ADCY3: variants seen among roughly 807,000 people sequenced by gnomAD.
The protein encoded by ADCY3 is adenylate cyclase type 3.
A neutral mutation model predicts 119.4 loss-of-function variants in ADCY3; 70 were observed. That is an observed-to-expected ratio of 0.59 (90% CI 0.48 to 0.72). The LOEUF is 0.72. Ranked by LOEUF, ADCY3 falls within the 30% of genes least tolerant of loss-of-function variation. ADCY3 has a pLI of 0.00. For missense variants in ADCY3, 1,238 were observed against 1,541.6 expected (o/e 0.80, Z 3.30); for synonymous variants, 672 against 621.4 (o/e 1.08, Z -1.21).
At chr2:24,821,824 G>T (rs1228012917) in intron 19 of ADCY3, 184 bp from the exon 20 acceptor site, 6 of 832,780 alleles carry the variant, frequency 7.2e-6, no homozygotes, top group Non-Finnish European at 1.1e-5. Flanking sequence ...CAAAGTTCAC[G>T]TAGCAGGTCT....
intron 11 of ADCY3, among the ~76,000 whole-genome samples, 171 bp from the exon 12 acceptor site, chr2:24,831,920 G>T (rs1669587925): frequency 1.5e-5 from 1 of 66,128 alleles, no homozygotes; most frequent in Non-Finnish European, 3.4e-5. Flanking sequence ...GGGGCCAGGG[G>T]ACAGCGGACA....
chr2:24,827,472 T>C lies in ADCY3; in HGVS notation c.2495+74A>G. The C allele has an allele frequency of 3.3e-6, 5 of 1,508,368 alleles. No homozygotes were observed. The South Asian group carries it at 4.8e-5, about 14-fold the overall frequency. 93.4% of individuals were successfully genotyped at this position (1,508,368 alleles called of 1,614,324 possible). A position where few individuals can be genotyped will look rare whatever the true frequency, so the allele number is the denominator to read the frequency against. On this transcript the variant is annotated intron_variant, in intron 15 of 21. Coordinates refer to ENST00000679454, the MANE Select transcript of ADCY3 (RefSeq NM_004036.5). ...TCCCGGGAGGGTGAGATCCCGGGGC[T>C]TGGGCCTGTTATATTCCTGTCTCTA...
rs1271548233 is a variant in ADCY3, at chr2:24,918,740, AC to A, written c.247del (p.Val83SerfsTer65). The stretch of plus-strand genomic sequence containing the variant: ...GTAGCAGTCAAAGAGGGCTGCAAAG[AC>A]CACCAGCACCAGCAGGGTCTCGTGG... ...QRHETLLVLV[V>X]FAALFDCYVV... On this transcript the variant is annotated frameshift_variant, in exon 2 of 22. Coordinates refer to ENST00000679454, the MANE Select transcript of ADCY3 (RefSeq NM_004036.5). LOFTEE classifies it high-confidence loss of function. This position sits in a 1 kb window ranked among gnomAD's most constrained non-coding sequence, Gnocchi z 5.4. The A allele has an allele frequency of 6.2e-7, 1 of 1,613,994 alleles. No homozygotes were observed. The highest frequency in any genetic ancestry group is 2.2e-5 in the East Asian group (1 of 44,872).
intron 2 of ADCY3, among the ~76,000 whole-genome samples, chr2:24,879,006 C>T (rs1438981883): frequency 2.0e-5 from 3 of 152,206 alleles, no homozygotes; most frequent in African/African-American, 7.2e-5. Flanking sequence ...GGGACTGGCA[C>T]ATAGAAAGCC....
intron 2 of ADCY3, among the ~76,000 whole-genome samples, chr2:24,892,652 C>T (rs1677809120): frequency 6.6e-6 from 1 of 152,182 alleles, no homozygotes; most frequent in South Asian, 2.1e-4. Flanking sequence ...GTGCAGGGTT[C>T]TATAAATATT....
rs56672595 is a variant in ADCY3, at chr2:24,857,991, A to ATTTTTTTTTT, written c.825+14569_825+14578dup. On this transcript the variant is annotated intron_variant, in intron 3 of 21. Coordinates refer to ENST00000679454, the MANE Select transcript of ADCY3 (RefSeq NM_004036.5). ...AAGTCCTGAAATACTTGTGGTCTGA[A>ATTTTTTTTTT]TTTTTTTTTTTTTTTTTTTTTTTTA... is the stretch of plus-strand genomic sequence containing the variant. Among the ~76,000 whole-genome samples, 641 of 122,356 alleles carry ATTTTTTTTTT rather than the reference A, an allele frequency of 5.2e-3. 25 individuals carry two copies. The highest frequency in any genetic ancestry group is 0.021 in the African/African-American group (607 of 29,416). The allele number at this position is 122,356 out of a possible 152,430, so 80.3% of individuals were successfully genotyped here.
chr2:24,838,375 C>A, intron 8 of ADCY3, 70 bp downstream of exon 8: 1 of 1,445,562 alleles, frequency 6.9e-7, no homozygotes, highest in South Asian at 1.3e-5. Context: ...TTTCCTTAAT[C>A]TCCTCCTTTC....
chr2:24,838,843 T>G (rs1290876699), intron 7 of ADCY3: 4 of 1,607,674 alleles, frequency 2.5e-6, no homozygotes, highest in Non-Finnish European at 3.4e-6. Context: ...CGTATGGCAC[T>G]TACTCCCATC....
chr2:24,891,085 G>A (rs1677600623), intron 2 of ADCY3, among the ~76,000 whole-genome samples: 1 of 152,024 alleles, frequency 6.6e-6, no homozygotes, highest in African/African-American at 2.4e-5. Flanking sequence ...GGCCAGGCTG[G>A]TCTCGAACTC....
At chr2:24,855,613 C>G (rs1414490305) in intron 3 of ADCY3, among the ~76,000 whole-genome samples, 1 of 152,194 alleles carries the variant, frequency 6.6e-6, no homozygotes, top group African/African-American at 2.4e-5. Flanking sequence ...TAATAAAAGT[C>G]AAGGCCCTGA....
At chr2:24,820,148 AC>A in intron 21 of ADCY3, 34 bp from the exon 22 acceptor site, 2 of 1,340,372 alleles carry the variant, frequency 1.5e-6, no homozygotes, top group South Asian at 1.4e-5. Context: ...ACGTGGCGTT[AC>A]GGGGGGAGCC....
At chr2:24,911,813 T>C (rs1319255222) in intron 2 of ADCY3, among the ~76,000 whole-genome samples, 1 of 151,934 alleles carries the variant, frequency 6.6e-6, no homozygotes, top group Admixed American at 6.6e-5. Context: ...CCTCCCAAAG[T>C]GCTGGGATTC....
chr2:24,865,986 T>C (rs1674237228), intron 3 of ADCY3, among the ~76,000 whole-genome samples: 1 of 151,750 alleles, frequency 6.6e-6, no homozygotes, highest in African/African-American at 2.4e-5. Flanking sequence ...GCAGAGAGAG[T>C]AGAGGGGCTA....
intron 13 of ADCY3, among the ~76,000 whole-genome samples, 177 bp downstream of exon 13, chr2:24,830,532 T>A (rs1669342374): frequency 6.6e-6 from 1 of 152,110 alleles, no homozygotes; most frequent in Non-Finnish European, 1.5e-5. Flanking sequence ...GCTCCCTGGA[T>A]GACAGGGACA....
chr2:24,827,509 G>C, intron 15 of ADCY3, 37 bp downstream of exon 15: 2 of 1,562,264 alleles, frequency 1.3e-6, no homozygotes, highest in Non-Finnish European at 1.7e-6. Context: ...AAGAAGGGCT[G>C]TGAGTGCAGG....
At chr2:24,826,341 C>A in intron 15 of ADCY3, 1 of 545,004 alleles carries the variant, frequency 1.8e-6, no homozygotes. Flanking sequence ...CCCCTGGCCC[C>A]TCCTGGCTGC....
At position 24,822,496 on chromosome 2, in the gene ADCY3, A is replaced by G. The variant is rs1221455984; in HGVS notation, c.3003+15T>C. The G allele has an allele frequency of 1.9e-6, 3 of 1,612,624 alleles. No individual in the cohort carries two copies. Among genetic ancestry groups the G allele is most frequent in the Non-Finnish European group, 2.5e-6 (3 of 1,178,954 alleles). On this transcript the variant is annotated intron_variant, in intron 19 of 21. Coordinates refer to ENST00000679454, the MANE Select transcript of ADCY3 (RefSeq NM_004036.5). ...GGGGCAGAGCCTCATCTCTCTGGCT[A>G]CTGGGGTTAGCTACCTTGTTGGAGC... is the stretch of plus-strand genomic sequence containing the variant.
intron 2 of ADCY3, among the ~76,000 whole-genome samples, chr2:24,882,340 G>A (rs1344842826): frequency 6.6e-6 from 1 of 152,210 alleles, no homozygotes; most frequent in Non-Finnish European, 1.5e-5. Flanking sequence ...CTTTGGAGGA[G>A]TTGGTGAGCC....
intron 3 of ADCY3, among the ~76,000 whole-genome samples, chr2:24,863,688 CTT>C (rs988532455): frequency 1.3e-5 from 2 of 152,190 alleles, no homozygotes; most frequent in Admixed American, 6.5e-5. Context: ...ATGCCAACCT[CTT>C]TTTTATTTCT....
Sources: allele counts gnomAD v4.1 joint callset (sites outside exome capture counted in the v4.1 genomes callset), GRCh38; gene constraint gnomAD v4.1.1; non-coding constraint Gnocchi (gnomAD v3.1); transcripts MANE v1.5; gene names NCBI Gene and HGNC (gene_info 2026-07-23, HGNC 2026-07-21).